CDIN1: variants seen among roughly 807,000 people sequenced by gnomAD.
CDIN1 encodes CDAN1-interacting nuclease 1.
CDIN1 carries 33 observed loss-of-function variants against 45.3 expected under a neutral mutation model. The observed-to-expected ratio is 0.73, with a 90% CI of 0.55 to 0.97. The LOEUF (loss-of-function observed/expected upper bound fraction) is 0.97, where lower values mean the gene tolerates loss of function less well. Among genes scored for constraint, CDIN1 ranks in the 50% least tolerant of loss-of-function variants. The pLI, the probability that CDIN1 is intolerant of heterozygous loss-of-function variation, is 0.00. For missense variants in CDIN1, 303 were observed against 339.4 expected (o/e 0.89, Z 0.84); for synonymous variants, 118 against 124.4 (o/e 0.95, Z 0.34).
At chr15:36,784,953 C>T (rs1308649903) in intron 10 of CDIN1, among the ~76,000 whole-genome samples, 1 of 152,100 alleles carries the variant, frequency 6.6e-6, no homozygotes, top group Non-Finnish European at 1.5e-5. Flanking sequence ...AGTGACACCA[C>T]CAAATACTGT....
intron 8 of CDIN1, chr15:36,708,394 C>T (rs1003919801): frequency 6.6e-6 from 1 of 151,848 alleles, no homozygotes; most frequent in East Asian, 1.9e-4. Context: ...GAGAACTCCC[C>T]ATTTCAGAAA....
intron 8 of CDIN1, chr15:36,708,041 A>G (rs1290895063): frequency 1.3e-5 from 2 of 152,158 alleles, no homozygotes; most frequent in African/African-American, 4.8e-5. Flanking sequence ...TACTTTAAAT[A>G]TGTGTCTTGT....
intron 1 of CDIN1, among the ~76,000 whole-genome samples, chr15:36,592,836 A>G (rs1325413814): frequency 6.6e-6 from 1 of 152,108 alleles, no homozygotes; most frequent in Non-Finnish European, 1.5e-5. Context: ...AGCTAAGTTT[A>G]GGGACATTAC....
At chr15:36,761,570 A>G (rs1869263) in intron 10 of CDIN1, among the ~76,000 whole-genome samples, 104,017 of 152,026 alleles carry the variant, frequency 0.68, 35,774 homozygotes, top group East Asian at 0.93. Context: ...AGGCGCTGTC[A>G]TGGAGTCAGG....
chr15:36,709,018 TAATG>T (rs2042962764), intron 8 of CDIN1: 5 of 398,028 alleles, frequency 1.3e-5, no homozygotes, highest in Admixed American at 4.3e-5. Context: ...TGCAGAAAAA[TAATG>T]AAAGAAGCAT....
chr15:36,647,192 TA>T lies in CDIN1; in HGVS notation c.212+1915del, dbSNP rs112118589. On this transcript the variant is annotated intron_variant, in intron 3 of 10. Transcript: ENST00000566621. Reference sequence around the variant, plus strand: ...GTGCACACCACCATGGCCAGCTAATTAAAAAAAAAAGTTTATAGAGACAGGG... The same window carrying T: ...GTGCACACCACCATGGCCAGCTAATTAAAAAAAAAGTTTATAGAGACAGGG... Among the ~76,000 whole-genome samples the T allele has an allele frequency of 3.8e-3, 557 of 148,398 alleles. 2 individuals carry two copies. The highest frequency in any genetic ancestry group is 0.012 in the African/African-American group (485 of 40,424).
In CDIN1 at chr15:36,797,516, C is replaced by T. The variant is rs912491358; in HGVS notation, c.717-10808C>T. On this transcript the variant is annotated intron_variant, in intron 10 of 10. Transcript: ENST00000566621. Reference sequence around the variant, plus strand: ...CTTTAACCATCAGTAGTGTTACTTACAGGGACTAGTACTCTTGGTTTCTAC... The same window carrying T: ...CTTTAACCATCAGTAGTGTTACTTATAGGGACTAGTACTCTTGGTTTCTAC... 2.0e-5 allele frequency among the ~76,000 whole-genome samples: 3 copies of T among 152,206 alleles called. No homozygotes were observed. The East Asian group carries it at 5.8e-4, about 29-fold the overall frequency.
At chr15:36,633,293 A>G (rs1216490197) in intron 1 of CDIN1, among the ~76,000 whole-genome samples, 2 of 152,028 alleles carry the variant, frequency 1.3e-5, no homozygotes, top group African/African-American at 4.8e-5. Context: ...TTTTTGATGA[A>G]CTGTTGTAGG....
intron 10 of CDIN1, among the ~76,000 whole-genome samples, chr15:36,717,699 T>A (rs930671122): frequency 4.7e-4 from 71 of 152,276 alleles, no homozygotes; most frequent in African/African-American, 1.5e-3. Context: ...TACCTGGGAA[T>A]GAAATGATTG....
At chr15:36,757,100 A>G (rs914618607) in intron 10 of CDIN1, among the ~76,000 whole-genome samples, 5 of 152,204 alleles carry the variant, frequency 3.3e-5, no homozygotes, top group Non-Finnish European at 7.3e-5. Context: ...GCAGTTTCAT[A>G]TAGGTCAGTT....
chr15:36,745,662 C>T (rs2014875), intron 10 of CDIN1, among the ~76,000 whole-genome samples: 1 of 151,992 alleles, frequency 6.6e-6, no homozygotes, highest in Non-Finnish European at 1.5e-5. Context: ...TAAACTAACT[C>T]ATTTAAGAAT....
chr15:36,623,589 G>T (rs2039297042), intron 1 of CDIN1, among the ~76,000 whole-genome samples: 1 of 152,322 alleles, frequency 6.6e-6, no homozygotes, highest in Non-Finnish European at 1.5e-5. Flanking sequence ...GGGGCAGGCA[G>T]CTCAGTACCC....
intron 1 of CDIN1, among the ~76,000 whole-genome samples, chr15:36,635,740 T>G (rs2039873141): frequency 6.6e-6 from 1 of 152,190 alleles, no homozygotes; most frequent in Admixed American, 6.5e-5. Context: ...AATTAAAACA[T>G]TCTGCAGGGA....
intron 4 of CDIN1, among the ~76,000 whole-genome samples, chr15:36,657,621 TA>T (rs1187824121): frequency 2.0e-5 from 3 of 152,152 alleles, no homozygotes; most frequent in Non-Finnish European, 4.4e-5. Context: ...TTATATTCAA[TA>T]AATTTGACCC....
chr15:36,686,382 G>A (rs1239031130), intron 5 of CDIN1, among the ~76,000 whole-genome samples: 2 of 139,984 alleles, frequency 1.4e-5, no homozygotes, highest in Non-Finnish European at 3.1e-5. Flanking sequence ...GACACAGGAA[G>A]GGGAACATCA....
At chr15:36,778,338 C>G (rs185352762) in intron 10 of CDIN1, among the ~76,000 whole-genome samples, 11 of 152,226 alleles carry the variant, frequency 7.2e-5, no homozygotes, top group Non-Finnish European at 1.6e-4. Flanking sequence ...GGTCTGTGTT[C>G]CTAGTGCTAT....
intron 10 of CDIN1, among the ~76,000 whole-genome samples, chr15:36,767,441 A>G (rs2053957717): frequency 6.6e-6 from 1 of 152,216 alleles, no homozygotes; most frequent in Admixed American, 6.5e-5. Context: ...ATGGCCTTAC[A>G]AAGTCACCTA....
At chr15:36,759,831 G>C (rs978134376) in intron 10 of CDIN1, among the ~76,000 whole-genome samples, 1 of 152,118 alleles carries the variant, frequency 6.6e-6, no homozygotes, top group Non-Finnish European at 1.5e-5. Context: ...ACGGGGAAGT[G>C]CTACACATTT....
chr15:36,736,474 G>C (rs1376826966), intron 10 of CDIN1, among the ~76,000 whole-genome samples: 1 of 152,118 alleles, frequency 6.6e-6, no homozygotes, highest in African/African-American at 2.4e-5. Flanking sequence ...AAGCCACATA[G>C]GCATGTGTCT....
Sources: allele counts gnomAD v4.1 joint callset (sites outside exome capture counted in the v4.1 genomes callset), GRCh38; gene constraint gnomAD v4.1.1; transcripts MANE v1.5; gene names NCBI Gene and HGNC (gene_info 2026-07-23, HGNC 2026-07-21).